The following CNN1 variants were observed in gnomAD, a reference collection of about 807,000 sequenced individuals.
CNN1 encodes calponin 1.
Under a neutral mutation model 35.3 loss-of-function variants are expected in CNN1, and 21 were observed. The observed-to-expected ratio is 0.60, with a 90% CI of 0.42 to 0.86. The LOEUF is 0.86. Ranked by LOEUF, CNN1 falls within the 40% of genes least tolerant of loss-of-function variation. CNN1 has a pLI of 0.00. For missense variants in CNN1, 314 were observed against 400.8 expected, an observed-to-expected ratio of 0.78 and a Z score of 1.85; for synonymous variants, 164 against 161.8, an observed-to-expected ratio of 1.01 and a Z score of -0.10.
intron 2 of CNN1, among the ~76,000 whole-genome samples, chr19:11,544,668 T>C (rs1000760828): frequency 8.4e-4 from 124 of 147,490 alleles, no homozygotes; most frequent in Non-Finnish European, 1.4e-3. Flanking sequence ...TCGGGTTTTT[T>C]TTTTTTTTTT....
Position 11,546,973 on chromosome 19 carries a change from AGT to A in CNN1, c.390+8_390+9del, listed in dbSNP as rs1335927658. On this transcript the variant is annotated splice_donor_5th_base_variant and intron_variant, in intron 4 of 6. Coordinates refer to ENST00000252456, the MANE Select transcript of CNN1 (RefSeq NM_001299.6). ...CCTCCTGGCTTTGGCCAGCATGGTGAGTGTGGTTGCAGGCTGGGCAGGGGGTG... is the reference window on the plus strand; with the variant it reads ...CCTCCTGGCTTTGGCCAGCATGGTGAGTGGTTGCAGGCTGGGCAGGGGGTG... 4 of 1,614,052 alleles carry A rather than the reference AGT, an allele frequency of 2.5e-6. No homozygotes were observed. The South Asian group carries it at 3.3e-5, about 13-fold the overall frequency.
At chr19:11,548,093 A>C (rs1304732298) in intron 5 of CNN1, among the ~76,000 whole-genome samples, 186 bp downstream of exon 5, 1 of 152,180 alleles carries the variant, frequency 6.6e-6, no homozygotes, top group Non-Finnish European at 1.5e-5. Context: ...GCTTGTTATC[A>C]ACATACCCTT....
At chr19:11,545,634 C>T (rs1184851456) in intron 2 of CNN1, among the ~76,000 whole-genome samples, 1 of 151,736 alleles carries the variant, frequency 6.6e-6, no homozygotes, top group East Asian at 1.9e-4. Context: ...GAGGGAGTTG[C>T]TGGCATATGG....
intron 4 of CNN1, 54 bp downstream of exon 4, chr19:11,547,023 C>G: frequency 6.2e-7 from 1 of 1,608,360 alleles, no homozygotes; most frequent in South Asian, 1.1e-5. Context: ...GGCTGGGATG[C>G]AGGTGTGGCC....
Position 11,538,988 on chromosome 19 carries a change from A to G in CNN1, c.61A>G (p.Lys21Glu), listed in dbSNP as rs1440906840. Residue 21 changes from lysine to glutamate, a missense_variant and splice_region_variant, in exon 1 of 7, where the codon AAG becomes GAG. By Grantham distance (56) the Lys-to-Glu change is moderately conservative (BLOSUM62 1). Transcript: ENST00000252456. The part of the protein sequence containing the change: ...AYGLSAEVKN[K>E]LAQKYDHQRE... ...CGGGCTGTCAGCCGAGGTTAAGAAC[A>G]AGGTAGGGCTGGAGGGCCTCCCTGG... 1.3e-6 allele frequency: 2 copies of G among 1,592,882 alleles called. No individual in the cohort carries two copies. The highest frequency in any genetic ancestry group is 1.7e-6 in the Non-Finnish European group (2 of 1,167,924).
At position 11,539,010 on chromosome 19, in the gene CNN1, C is replaced by G; in HGVS notation, c.63+20C>G. The G allele has an allele frequency of 1.3e-6, 2 of 1,563,338 alleles. No homozygotes were observed. Among genetic ancestry groups the G allele is most frequent in the Non-Finnish European group, 1.7e-6 (2 of 1,152,906 alleles). On this transcript the variant is annotated intron_variant, in intron 1 of 6. Transcript: ENST00000252456. The stretch of plus-strand genomic sequence containing the variant: ...AACAAGGTAGGGCTGGAGGGCCTCC[C>G]TGGCCTGGCCCACACGTCCTGCCAG...
rs867506039 is a variant in CNN1 at position 11,550,045 on chromosome 19, G to A, written c.*250G>A. 1.1e-5 allele frequency: 5 copies of A among 474,078 alleles called. No individual in the cohort carries two copies. The highest frequency in any genetic ancestry group is 3.8e-5 in the South Asian group (1 of 26,036). 29.4% of individuals were successfully genotyped at this position (474,078 alleles called of 1,614,324 possible). ...GTGTCCCCAACAGCGCCCAAAGGAC[G>A]CACTGAGCAACGCTATTCCAGCTGT... is the stretch of plus-strand genomic sequence containing the variant. On this transcript the variant is annotated 3_prime_UTR_variant, in exon 7 of 7. Transcript: ENST00000252456.
chr19:11,548,416 G>A (rs145186939), intron 5 of CNN1, among the ~76,000 whole-genome samples: 110 of 152,292 alleles, frequency 7.2e-4, no homozygotes, highest in East Asian at 1.7e-3. Flanking sequence ...AAATGCAGTG[G>A]TGTCTGCCTG....
rs1438466723 is a variant in CNN1 at position 11,550,046 on chromosome 19, C to T, written c.*251C>T. On this transcript the variant is annotated 3_prime_UTR_variant, in exon 7 of 7. Transcript: ENST00000252456. The stretch of plus-strand genomic sequence containing the variant: ...TGTCCCCAACAGCGCCCAAAGGACG[C>T]ACTGAGCAACGCTATTCCAGCTGTC... 2.1e-6 allele frequency: 1 copy of T among 471,392 alleles called. No homozygotes were observed. Among genetic ancestry groups the T allele is most frequent in the Non-Finnish European group, 3.7e-6 (1 of 269,368 alleles). The allele number at this position is 471,392 out of a possible 1,614,324, so 29.2% of individuals were successfully genotyped here.
In CNN1 at chr19:11,549,602, G is replaced by T. The variant is rs754101104; in HGVS notation, c.701G>T (p.Gly234Val). The stretch of plus-strand genomic sequence containing the variant: ...CGGCAGATCTTCGAGCCGGGGCTGG[G>T]CATGGAGCACTGCGACACGCTCAAT... ...TKRQIFEPGL[G>V]MEHCDTLNVS... Residue 234 changes from glycine to valine, a missense_variant, in exon 7 of 7, where the codon GGC becomes GTC. By Grantham distance (109) the Gly-to-Val change is moderately radical. Coordinates refer to ENST00000252456, the MANE Select transcript of CNN1 (RefSeq NM_001299.6). This position sits in a 1 kb window ranked among gnomAD's most constrained non-coding sequence, Gnocchi z 5.2. 1.9e-6 allele frequency: 3 copies of T among 1,608,332 alleles called. No individual in the cohort carries two copies. In the East Asian group the frequency reaches 6.7e-5, roughly 36 times the overall value.
chr19:11,543,970 ATTCAT>A (rs1402145426), intron 2 of CNN1, among the ~76,000 whole-genome samples: 1 of 151,828 alleles, frequency 6.6e-6, no homozygotes, highest in Non-Finnish European at 1.5e-5. Context: ...TCACTCATTC[ATTCAT>A]TCATTCATTC....
intron 2 of CNN1, 88 bp downstream of exon 2, chr19:11,541,285 C>T: frequency 1.4e-6 from 2 of 1,443,642 alleles, no homozygotes. Flanking sequence ...GATCCTGGAA[C>T]TGAGTTGAAC....
intron 2 of CNN1, 136 bp downstream of exon 2, chr19:11,541,333 T>C: frequency 2.6e-6 from 3 of 1,153,630 alleles, no homozygotes; most frequent in Non-Finnish European, 3.5e-6. Context: ...CCAGTAATCA[T>C]TGTGCCCATT....
chr19:11,546,801 C>A, intron 3 of CNN1, 31 bp from the exon 4 acceptor site: 1 of 1,614,152 alleles, frequency 6.2e-7, no homozygotes, highest in Non-Finnish European at 8.5e-7. Context: ...CTCCCCTCCC[C>A]ACCCAGTGAC....
chr19:11,546,326 G>T (rs1972580789), intron 2 of CNN1, among the ~76,000 whole-genome samples: 1 of 151,848 alleles, frequency 6.6e-6, no homozygotes, highest in African/African-American at 2.4e-5. Context: ...GAGCGGGAGT[G>T]GGGGACACCT....
chr19:11,544,647 C>A (rs1435448875), intron 2 of CNN1, among the ~76,000 whole-genome samples: 13 of 150,758 alleles, frequency 8.6e-5, no homozygotes, highest in Non-Finnish European at 3.0e-5. Context: ...TCACCACGCC[C>A]GGTGAAGTTT....
At position 11,543,465 on chromosome 19, in the gene CNN1, T is replaced by TAATAATAATAATAAC; in HGVS notation, c.185+2282_185+2283insCAATAATAATAATAA. 2.2e-5 allele frequency among the ~76,000 whole-genome samples: 3 copies of TAATAATAATAATAAC among 135,624 alleles called. No individual in the cohort carries two copies. In the South Asian group the frequency reaches 6.4e-4, roughly 29 times the overall value. The allele number at this position is 135,624 out of a possible 152,430, so 89.0% of individuals were successfully genotyped here. A position where few individuals can be genotyped will look rare whatever the true frequency, so the allele number is the denominator to read the frequency against. ...CATGTGTACCCTAGAACTTAAAGTA[T>TAATAATAATAATAAC]AATAATAATAATAATAATAATAATA... is the stretch of plus-strand genomic sequence containing the variant. On this transcript the variant is annotated intron_variant, in intron 2 of 6. Transcript: ENST00000252456.
chr19:11,545,576 A>G (rs1048169503), intron 2 of CNN1, among the ~76,000 whole-genome samples: 1 of 151,916 alleles, frequency 6.6e-6, no homozygotes, highest in Non-Finnish European at 1.5e-5. Flanking sequence ...CCAGGCACCC[A>G]TGGAGAGAGC....
At chr19:11,547,439 G>A (rs923547288) in intron 4 of CNN1, among the ~76,000 whole-genome samples, 1 of 151,764 alleles carries the variant, frequency 6.6e-6, no homozygotes, top group Admixed American at 6.6e-5. Context: ...GGCCGGGCAC[G>A]GTGGCTCACG....
Sources: gnomAD v4.1 joint callset for allele counts (sites outside exome capture counted in the v4.1 genomes callset) on GRCh38, gnomAD v4.1.1 for gene constraint, Gnocchi (gnomAD v3.1) non-coding constraint, MANE v1.5 for transcripts, NCBI Gene and HGNC (gene_info 2026-07-23, HGNC 2026-07-21) for gene names.